JAKMIP2: variants seen among roughly 807,000 people sequenced by gnomAD.
JAKMIP2 encodes janus kinase and microtubule interacting protein 2.
In JAKMIP2, 25 loss-of-function variants were observed where a neutral mutation model predicts 115.0. That is an observed-to-expected ratio of 0.22 (90% CI 0.16 to 0.30). The LOEUF (loss-of-function observed/expected upper bound fraction) is 0.30, where lower values mean the gene tolerates loss of function less well. Ranked by LOEUF, JAKMIP2 falls within the 10% of genes least tolerant of loss-of-function variation. The pLI, the probability that JAKMIP2 is intolerant of heterozygous loss-of-function variation, is 1.00. For synonymous variants in JAKMIP2, 334 were observed against 343.6 expected, an observed-to-expected ratio of 0.97 and a Z score of 0.31; for missense variants, 642 against 957.6, an observed-to-expected ratio of 0.67 and a Z score of 4.35.
intron 1 of JAKMIP2, among the ~76,000 whole-genome samples, chr5:147,752,949 A>G (rs554904614): frequency 1.3e-5 from 2 of 152,242 alleles, no homozygotes; most frequent in Non-Finnish European, 2.9e-5. Flanking sequence ...TCAGTTTAAA[A>G]TGCCTTTTTA....
chr5:147,709,635 G>C lies in JAKMIP2; in HGVS notation c.-148-37681C>G, dbSNP rs145260764. Among the ~76,000 whole-genome samples the C allele has an allele frequency of 5.1e-3, 773 of 152,214 alleles. 17 individuals carry two copies. Among genetic ancestry groups the C allele is most frequent in the African/African-American group, 0.017 (688 of 41,526 alleles). ...GAAGGCCGAGGCGGGTGGATCATAA[G>C]GTCAGGAGTTCAAGACCAGCTTGGC... On this transcript the variant is annotated intron_variant, in intron 1 of 21. Coordinates refer to ENST00000616793, the MANE Select transcript of JAKMIP2 (RefSeq NM_001270941.2).
intron 21 of JAKMIP2, chr5:147,594,445 G>A: frequency 2.2e-6 from 1 of 455,200 alleles, no homozygotes; most frequent in South Asian, 1.6e-5. Context: ...AGCCATCCTT[G>A]CACTTCAGCC....
intron 16 of JAKMIP2, among the ~76,000 whole-genome samples, chr5:147,625,423 G>A (rs1292910134): frequency 6.6e-6 from 1 of 152,160 alleles, no homozygotes; most frequent in Admixed American, 6.5e-5. Context: ...AAAGAGGCAT[G>A]CCGAGACTGG....
chr5:147,684,129 A>G (rs1760455009), intron 1 of JAKMIP2, among the ~76,000 whole-genome samples: 3 of 152,248 alleles, frequency 2.0e-5, no homozygotes, highest in Admixed American at 6.5e-5. Flanking sequence ...TGACTAATGG[A>G]AGGTAGTCAA....
chr5:147,617,338 C>A (rs538694049), intron 19 of JAKMIP2, among the ~76,000 whole-genome samples: 1 of 152,082 alleles, frequency 6.6e-6, no homozygotes, highest in African/African-American at 2.4e-5. Context: ...GTATTGTTAT[C>A]TCCAAAATTG....
rs544157808 is a variant in JAKMIP2, at chr5:147,781,843, A to G, written c.-149+613T>C. On this transcript the variant is annotated intron_variant, in intron 1 of 21. Coordinates refer to ENST00000616793, the MANE Select transcript of JAKMIP2 (RefSeq NM_001270941.2). ...ATAAATGCAATATAAATGCTAAGTG[A>G]CATGTGTATATATGATCTGTATATC... Among the ~76,000 whole-genome samples the G allele has an allele frequency of 6.6e-5, 10 of 152,346 alleles. No homozygotes were observed. In the East Asian group the frequency reaches 1.9e-3, roughly 29 times the overall value.
At chr5:147,651,519 C>T (rs185636537) in intron 3 of JAKMIP2, among the ~76,000 whole-genome samples, 113 of 152,238 alleles carry the variant, frequency 7.4e-4, no homozygotes, top group African/African-American at 2.5e-3. Context: ...AAGGAAAAGA[C>T]ATTTAATACA....
At chr5:147,731,680 G>A (rs560384398) in intron 1 of JAKMIP2, among the ~76,000 whole-genome samples, 18 of 152,218 alleles carry the variant, frequency 1.2e-4, no homozygotes, top group Non-Finnish European at 2.4e-4. Flanking sequence ...AAGACCTTTG[G>A]ATTTAGAGTC....
At chr5:147,729,275 C>G (rs1753633636) in intron 1 of JAKMIP2, among the ~76,000 whole-genome samples, 1 of 152,126 alleles carries the variant, frequency 6.6e-6, no homozygotes, top group Non-Finnish European at 1.5e-5. Flanking sequence ...ATAATCCCAG[C>G]CTTGCCTAGG....
At chr5:147,633,745 G>T (rs938385028) in intron 12 of JAKMIP2, among the ~76,000 whole-genome samples, 4 of 150,158 alleles carry the variant, frequency 2.7e-5, no homozygotes, top group African/African-American at 9.9e-5. Flanking sequence ...CCCGAGGCTG[G>T]AGTGCATGAT....
intron 2 of JAKMIP2, among the ~76,000 whole-genome samples, chr5:147,662,629 C>A (rs1334014094): frequency 1.3e-5 from 2 of 151,916 alleles, no homozygotes. Context: ...TGTCTTCTCT[C>A]TCTGTCTCTC....
At chr5:147,692,423 G>T (rs981792846) in intron 1 of JAKMIP2, among the ~76,000 whole-genome samples, 2 of 152,194 alleles carry the variant, frequency 1.3e-5, no homozygotes, top group African/African-American at 4.8e-5. Flanking sequence ...ATTTGTTACA[G>T]CAGCTCTAGA....
At chr5:147,665,158 C>T (rs1473137326) in intron 2 of JAKMIP2, among the ~76,000 whole-genome samples, 5 of 152,162 alleles carry the variant, frequency 3.3e-5, no homozygotes, top group Admixed American at 3.3e-4. Flanking sequence ...ATCCATCCTG[C>T]TCCTGTTTTT....
intron 1 of JAKMIP2, among the ~76,000 whole-genome samples, chr5:147,750,317 C>CA (rs1019925201): frequency 2.6e-5 from 4 of 152,134 alleles, no homozygotes; most frequent in African/African-American, 9.7e-5. Flanking sequence ...ACCCAAGGGA[C>CA]ACAATCCTCA....
chr5:147,721,435 C>T (rs1227821870), intron 1 of JAKMIP2, among the ~76,000 whole-genome samples: 8 of 152,104 alleles, frequency 5.3e-5, no homozygotes, highest in African/African-American at 1.9e-4. Context: ...ATGGCGGGCG[C>T]CCCTCCCCCA....
intron 1 of JAKMIP2, among the ~76,000 whole-genome samples, chr5:147,746,682 A>C (rs1754356632): frequency 6.6e-6 from 1 of 152,090 alleles, no homozygotes. Flanking sequence ...CTCTATTTTT[A>C]TACAGTATCC....
chr5:147,635,003 A>T (rs1757543632), intron 12 of JAKMIP2, among the ~76,000 whole-genome samples: 1 of 152,200 alleles, frequency 6.6e-6, no homozygotes, highest in Non-Finnish European at 1.5e-5. Flanking sequence ...GTCAAACATA[A>T]TATGAGATTA....
intron 14 of JAKMIP2, among the ~76,000 whole-genome samples, chr5:147,630,296 C>T (rs941651505): frequency 1.1e-4 from 16 of 152,022 alleles, no homozygotes; most frequent in African/African-American, 3.6e-4. Context: ...TACCCTGTTC[C>T]TTGAGTCAGT....
At chr5:147,762,463 G>A (rs1310455371) in intron 1 of JAKMIP2, among the ~76,000 whole-genome samples, 1 of 152,062 alleles carries the variant, frequency 6.6e-6, no homozygotes, top group Admixed American at 6.6e-5. Flanking sequence ...GGCTTGAAGT[G>A]CAAGCCAAAG....
Sources: gnomAD v4.1 joint callset for allele counts (sites outside exome capture counted in the v4.1 genomes callset) on GRCh38, gnomAD v4.1.1 for gene constraint, MANE v1.5 for transcripts, NCBI Gene and HGNC (gene_info 2026-07-23, HGNC 2026-07-21) for gene names.